SLC25A21: variants seen among roughly 807,000 people sequenced by gnomAD.
The protein encoded by SLC25A21 is mitochondrial 2-oxodicarboxylate carrier.
SLC25A21 carries 47 observed loss-of-function variants against 43.8 expected under a neutral mutation model. That is an observed-to-expected ratio of 1.07 (90% CI 0.85 to 1.37). The LOEUF is 1.37. Among genes scored for constraint, SLC25A21 ranks in the 40% most tolerant of loss-of-function variants. SLC25A21 has a pLI of 0.00. For missense variants in SLC25A21, 352 were observed against 350.2 expected (o/e 1.00, Z -0.04); for synonymous variants, 131 against 121.3 (o/e 1.08, Z -0.52).
intron 1 of SLC25A21, among the ~76,000 whole-genome samples, chr14:37,041,158 T>A (rs977920029): frequency 1.4e-4 from 22 of 152,184 alleles, no homozygotes; most frequent in African/African-American, 5.3e-4. Context: ...TATCTTATCA[T>A]ATATTTAATT....
intron 1 of SLC25A21, among the ~76,000 whole-genome samples, chr14:37,161,571 G>T (rs1963941190): frequency 6.6e-6 from 1 of 152,160 alleles, no homozygotes; most frequent in Non-Finnish European, 1.5e-5. Flanking sequence ...CTTTAAGGAT[G>T]TAATCAAGTT....
intron 3 of SLC25A21, among the ~76,000 whole-genome samples, chr14:36,793,378 T>C (rs939203777): frequency 3.9e-5 from 6 of 151,980 alleles, no homozygotes; most frequent in African/African-American, 9.7e-5. Context: ...TATGAATTAA[T>C]AGAATAAATG....
chr14:37,109,397 G>GAAGGA (rs985392690), intron 1 of SLC25A21, among the ~76,000 whole-genome samples: 1 of 151,770 alleles, frequency 6.6e-6, no homozygotes, highest in African/African-American at 2.4e-5. Context: ...AGGAGGGAAG[G>GAAGGA]AAGGAAAGGA....
chr14:36,833,095 A>G (rs917248077), intron 2 of SLC25A21, among the ~76,000 whole-genome samples: 1 of 152,228 alleles, frequency 6.6e-6, no homozygotes, highest in African/African-American at 2.4e-5. Flanking sequence ...GGATACCAAA[A>G]AGAGGATACA....
chr14:37,012,963 G>A (rs537068486), intron 1 of SLC25A21, among the ~76,000 whole-genome samples: 12 of 152,314 alleles, frequency 7.9e-5, no homozygotes, highest in Admixed American at 2.6e-4. Flanking sequence ...CTTAGAATTC[G>A]GAGAGCATGG....
rs1001644424 is a variant in SLC25A21, at chr14:36,731,779, T to A, written c.271-2213A>T. 3.9e-5 allele frequency among the ~76,000 whole-genome samples: 6 copies of A among 152,146 alleles called. No homozygotes were observed. In the East Asian group the frequency reaches 7.7e-4, roughly 20 times the overall value. ...AACACTTGAGGGGTCCCTCTACAGA[T>A]CTCAGGAGTTCTATCTCTGTGCAGC... On this transcript the variant is annotated intron_variant, in intron 4 of 9. Coordinates refer to ENST00000331299, the MANE Select transcript of SLC25A21 (RefSeq NM_030631.4).
chr14:37,000,393 C>T (rs1960461419), intron 1 of SLC25A21, among the ~76,000 whole-genome samples: 1 of 152,068 alleles, frequency 6.6e-6, no homozygotes, highest in Admixed American at 6.6e-5. Flanking sequence ...GTACCATCAC[C>T]CACCATGCTC....
At chr14:36,775,609 A>G (rs2138365964) in intron 3 of SLC25A21, among the ~76,000 whole-genome samples, 1 of 152,244 alleles carries the variant, frequency 6.6e-6, no homozygotes, top group East Asian at 1.9e-4. Flanking sequence ...GTGGGTATAA[A>G]ATCCAATCTC....
chr14:37,048,648 G>C (rs758306348), intron 1 of SLC25A21, among the ~76,000 whole-genome samples: 1 of 152,196 alleles, frequency 6.6e-6, no homozygotes, highest in East Asian at 1.9e-4. Flanking sequence ...TTGCATAAAG[G>C]TCCAAAACTT....
chr14:36,725,282 T>G (rs1449248766), intron 6 of SLC25A21: 1 of 158,774 alleles, frequency 6.3e-6, no homozygotes, highest in Non-Finnish European at 1.4e-5. Flanking sequence ...GAGACCAGCC[T>G]GACCAACATG....
At chr14:37,085,902 G>C (rs949699192) in intron 1 of SLC25A21, among the ~76,000 whole-genome samples, 2 of 152,134 alleles carry the variant, frequency 1.3e-5, no homozygotes, top group African/African-American at 4.8e-5. Context: ...TCAGGAGATC[G>C]AGACCATCCT....
At chr14:36,925,662 C>T (rs1892109904) in intron 1 of SLC25A21, among the ~76,000 whole-genome samples, 1 of 152,074 alleles carries the variant, frequency 6.6e-6, no homozygotes, top group Admixed American at 6.5e-5. Flanking sequence ...ACCTAGCCAA[C>T]ATGGAGAAAC....
intron 3 of SLC25A21, among the ~76,000 whole-genome samples, chr14:36,743,434 A>G (rs922894170): frequency 2.0e-4 from 29 of 143,846 alleles, no homozygotes; most frequent in African/African-American, 8.0e-4. Context: ...AAGGACTCCA[A>G]GAAAAAAAAA....
At chr14:36,867,709 G>T (rs1368093842) in intron 2 of SLC25A21, among the ~76,000 whole-genome samples, 1 of 151,772 alleles carries the variant, frequency 6.6e-6, no homozygotes, top group African/African-American at 2.4e-5. Flanking sequence ...CCCTCACTCA[G>T]GTTTCTTCAC....
intron 3 of SLC25A21, among the ~76,000 whole-genome samples, chr14:36,775,202 C>A (rs915835849): frequency 1.3e-5 from 2 of 152,046 alleles, no homozygotes; most frequent in African/African-American, 4.8e-5. Context: ...GAAGTATGTT[C>A]GCTTTACTGA....
chr14:37,117,907 TAAAG>T (rs1281412485), intron 1 of SLC25A21, among the ~76,000 whole-genome samples: 1 of 151,988 alleles, frequency 6.6e-6, no homozygotes, highest in Admixed American at 6.6e-5. Flanking sequence ...GTCCAATCAC[TAAAG>T]ATAGTTTAAA....
chr14:36,693,178 A>C (rs1882866213), intron 7 of SLC25A21, among the ~76,000 whole-genome samples: 1 of 152,218 alleles, frequency 6.6e-6, no homozygotes, highest in South Asian at 2.1e-4. Flanking sequence ...ATCATTTTGC[A>C]CATCTTAATT....
intron 1 of SLC25A21, among the ~76,000 whole-genome samples, chr14:37,081,124 C>A (rs1377483116): frequency 2.6e-5 from 4 of 152,146 alleles, no homozygotes; most frequent in Non-Finnish European, 4.4e-5. Context: ...AGACCCTGAT[C>A]ATGATCCCTG....
intron 1 of SLC25A21, among the ~76,000 whole-genome samples, chr14:37,156,875 A>C (rs541059296): frequency 6.6e-6 from 1 of 152,328 alleles, no homozygotes; most frequent in East Asian, 1.9e-4. Context: ...CAGATCATCT[A>C]CACAAAATAT....
Sources: allele counts gnomAD v4.1 joint callset (sites outside exome capture counted in the v4.1 genomes callset), GRCh38; gene constraint gnomAD v4.1.1; transcripts MANE v1.5; gene names NCBI Gene and HGNC (gene_info 2026-07-23, HGNC 2026-07-21).